GRK5: variants seen among roughly 807,000 people sequenced by gnomAD.
GRK5 encodes the protein G protein-coupled receptor kinase 5.
A neutral mutation model predicts 78.4 loss-of-function variants in GRK5; 40 were observed. The observed-to-expected ratio is 0.51, with a 90% CI of 0.40 to 0.66. GRK5 has a LOEUF of 0.66. GRK5 is among the 30% of genes least tolerant of loss of function. The pLI is 0.00. For missense variants in GRK5, 598 were observed against 759.9 expected (o/e 0.79, Z 2.50); for synonymous variants, 289 against 296.8 (o/e 0.97, Z 0.27).
chr10:119,219,662 T>C (rs1341036057), intron 1 of GRK5, among the ~76,000 whole-genome samples: 3 of 152,160 alleles, frequency 2.0e-5, no homozygotes, highest in Non-Finnish European at 2.9e-5. Context: ...AATTGGAAAA[T>C]GTTTTCCAAA....
rs530676067 is a variant in GRK5, at chr10:119,445,280, AAAG to A, written c.1266+1535_1266+1537del. 1.3e-5 allele frequency among the ~76,000 whole-genome samples: 2 copies of A among 152,266 alleles called. No homozygotes were observed. Among genetic ancestry groups the A allele is most frequent in the South Asian group, 2.1e-4 (1 of 4,816 alleles). On this transcript the variant is annotated intron_variant, in intron 12 of 15. Transcript: ENST00000392870. This position sits in a 1 kb window ranked among gnomAD's most constrained non-coding sequence, Gnocchi z 4.1. Reference sequence around the variant, plus strand: ...CAGGTGCGACAAAACGAGACAAGGGAAAGAAGAAGGGGTCAGACAGCCGTGGGC... The same window carrying A: ...CAGGTGCGACAAAACGAGACAAGGGAAAGAAGGGGTCAGACAGCCGTGGGC...
rs189496393 is a variant in GRK5, at chr10:119,343,311, C to T, written c.148+16700C>T. 3.0e-4 allele frequency among the ~76,000 whole-genome samples: 45 copies of T among 152,270 alleles called. No individual in the cohort carries two copies. The East Asian group carries it at 8.1e-3, about 27-fold the overall frequency. On this transcript the variant is annotated intron_variant, in intron 2 of 15. Coordinates refer to ENST00000392870, the MANE Select transcript of GRK5 (RefSeq NM_005308.3). ...AACACTTTTGGGTCAGCAGGTTCAG[C>T]GTTATCCAACCAGCAAACATTTCCT... is the stretch of plus-strand genomic sequence containing the variant.
chr10:119,306,580 C>T (rs1034997464), intron 1 of GRK5, among the ~76,000 whole-genome samples: 3 of 152,156 alleles, frequency 2.0e-5, no homozygotes, highest in Non-Finnish European at 2.9e-5. Context: ...TCCTGGCTGA[C>T]ACTTGCGGGG....
intron 8 of GRK5, among the ~76,000 whole-genome samples, chr10:119,432,731 A>G (rs897805318): frequency 6.6e-5 from 10 of 152,164 alleles, no homozygotes; most frequent in South Asian, 2.1e-4. Context: ...GATAAAGCAT[A>G]ATCCATATAG....
intron 1 of GRK5, among the ~76,000 whole-genome samples, chr10:119,226,277 ATCT>A (rs201386417): frequency 0.021 from 2,986 of 142,968 alleles, 73 homozygotes; most frequent in South Asian, 0.063. Context: ...TGTGCCTGGC[ATCT>A]TCTTCTTTTT....
At chr10:119,280,528 A>T (rs1292176438) in intron 1 of GRK5, among the ~76,000 whole-genome samples, 1 of 152,290 alleles carries the variant, frequency 6.6e-6, no homozygotes, top group African/African-American at 2.4e-5. Context: ...TTTGTAGGAT[A>T]GTTGATACCT....
intron 1 of GRK5, among the ~76,000 whole-genome samples, chr10:119,263,364 T>A (rs2133659709): frequency 6.6e-6 from 1 of 152,256 alleles, no homozygotes; most frequent in South Asian, 2.1e-4. Flanking sequence ...AAAAAAAATT[T>A]TTTTTTCATT....
At chr10:119,427,225 A>C (rs1852703631) in intron 6 of GRK5, among the ~76,000 whole-genome samples, 1 of 143,810 alleles carries the variant, frequency 7.0e-6, no homozygotes, top group Non-Finnish European at 1.5e-5. Context: ...CACTGCCTTC[A>C]TCAACATCAC....
intron 1 of GRK5, among the ~76,000 whole-genome samples, chr10:119,317,522 G>C (rs933754758): frequency 6.6e-6 from 1 of 152,168 alleles, no homozygotes; most frequent in Non-Finnish European, 1.5e-5. Flanking sequence ...CAGCTGAGCA[G>C]TGCTCTCCCT....
Position 119,332,967 on chromosome 10 carries a change from C to T in GRK5, c.148+6356C>T, listed in dbSNP as rs565846927. ...TATTTAATGTTCTTACCCATAACTC[C>T]GTCTGAAGCCATCTTTTCGTTTACT... is the stretch of plus-strand genomic sequence containing the variant. On this transcript the variant is annotated intron_variant, in intron 2 of 15. Transcript: ENST00000392870. 4.6e-5 allele frequency among the ~76,000 whole-genome samples: 7 copies of T among 152,286 alleles called. No homozygotes were observed. The South Asian group carries it at 1.5e-3, about 32-fold the overall frequency.
chr10:119,247,973 G>A (rs1013152770), intron 1 of GRK5, among the ~76,000 whole-genome samples: 12 of 152,138 alleles, frequency 7.9e-5, no homozygotes, highest in Non-Finnish European at 1.5e-5. Flanking sequence ...TTATATGTGA[G>A]TGAACAAGTG....
rs1410587030 is a variant in GRK5, at chr10:119,264,157, G to A, written c.52+56188G>A. Among the ~76,000 whole-genome samples, 1 of 152,086 alleles carries A rather than the reference G, an allele frequency of 6.6e-6. No individual in the cohort carries two copies. The highest frequency in any genetic ancestry group is 2.4e-5 in the African/African-American group (1 of 41,396). ...CACGTGCTTGCATGCCACCTTGAATGCTCTCCATTGACATTTGCAACTTGT... is the reference window on the plus strand; with the variant it reads ...CACGTGCTTGCATGCCACCTTGAATACTCTCCATTGACATTTGCAACTTGT... On this transcript the variant is annotated intron_variant, in intron 1 of 15. Coordinates refer to ENST00000392870, the MANE Select transcript of GRK5 (RefSeq NM_005308.3). The surrounding 1 kb of genome is among the most constrained non-coding windows in gnomAD (Gnocchi z 4.1).
chr10:119,232,741 A>T lies in GRK5; in HGVS notation c.52+24772A>T, dbSNP rs1405136979. Among the ~76,000 whole-genome samples the T allele has an allele frequency of 4.6e-5, 7 of 152,216 alleles. No individual in the cohort carries two copies. In the South Asian group the frequency reaches 1.0e-3, roughly 23 times the overall value. On this transcript the variant is annotated intron_variant, in intron 1 of 15. Coordinates refer to ENST00000392870, the MANE Select transcript of GRK5 (RefSeq NM_005308.3). ...CCCACCATGATTATGAGGCTTCCCCAGCCATGTGAAACTGAAAGTCCAATG... is the reference window on the plus strand; with the variant it reads ...CCCACCATGATTATGAGGCTTCCCCTGCCATGTGAAACTGAAAGTCCAATG...
intron 1 of GRK5, among the ~76,000 whole-genome samples, chr10:119,210,036 C>G (rs934207816): frequency 3.3e-5 from 5 of 152,140 alleles, no homozygotes; most frequent in African/African-American, 9.7e-5. Flanking sequence ...GTTTTTTTCC[C>G]AGAGCCTTGG....
At chr10:119,321,217 G>A (rs529836599) in intron 1 of GRK5, among the ~76,000 whole-genome samples, 23 of 152,330 alleles carry the variant, frequency 1.5e-4, no homozygotes, top group Non-Finnish European at 1.5e-4. Flanking sequence ...CCAGATATGG[G>A]GTGAGAGGCC....
chr10:119,431,467 A>G lies in GRK5; in HGVS notation c.678A>G (p.Lys226=), dbSNP rs1437824158. 3 of 1,614,124 alleles carry G rather than the reference A, an allele frequency of 1.9e-6. No homozygotes were observed. Among genetic ancestry groups the G allele is most frequent in the East Asian group, 4.5e-5 (2 of 44,874 alleles). ...RLEKKRIKKR[K]GESMALNEKQ... ...AGAAGAAGAGGATCAAAAAGAGGAAAGGGGAGTCCATGGCCCTCAATGAGA... is the reference window on the plus strand; with the variant it reads ...AGAAGAAGAGGATCAAAAAGAGGAAGGGGGAGTCCATGGCCCTCAATGAGA... Residue 226 remains lysine, a synonymous_variant, in exon 8 of 16, where the codon AAA becomes AAG. Transcript: ENST00000392870. This position sits in a 1 kb window ranked among gnomAD's most constrained non-coding sequence, Gnocchi z 4.8.
chr10:119,244,328 G>A (rs1849072589), intron 1 of GRK5, among the ~76,000 whole-genome samples: 1 of 152,210 alleles, frequency 6.6e-6, no homozygotes, highest in African/African-American at 2.4e-5. Flanking sequence ...TAAATCATGT[G>A]TCTGATAAGG....
At chr10:119,344,344 G>A (rs370536820) in intron 2 of GRK5, among the ~76,000 whole-genome samples, 12 of 152,008 alleles carry the variant, frequency 7.9e-5, no homozygotes, top group South Asian at 6.2e-4. Flanking sequence ...CCCACCCCAC[G>A]ACAGGTCCTG....
intron 11 of GRK5, among the ~76,000 whole-genome samples, chr10:119,442,988 CAG>C (rs1258656851): frequency 6.6e-6 from 1 of 152,188 alleles, no homozygotes; most frequent in Non-Finnish European, 1.5e-5. Context: ...TCTCCTTTTG[CAG>C]AGTGTTCCAT....
Sources: allele counts gnomAD v4.1 joint callset (sites outside exome capture counted in the v4.1 genomes callset), GRCh38; gene constraint gnomAD v4.1.1; non-coding constraint Gnocchi (gnomAD v3.1); transcripts MANE v1.5; gene names NCBI Gene and HGNC (gene_info 2026-07-23, HGNC 2026-07-21).